The following NPTN variants were observed in gnomAD, a reference collection of about 807,000 sequenced individuals.
The protein encoded by NPTN is neuroplastin.
Under a neutral mutation model 42.7 loss-of-function variants are expected in NPTN, and 5 were observed. The observed-to-expected ratio is 0.12, with a 90% CI of 0.06 to 0.25. NPTN has a LOEUF of 0.25. Ranked by LOEUF, NPTN falls within the 10% of genes least tolerant of loss-of-function variation. The pLI is 1.00. For missense variants in NPTN, 307 were observed against 525.4 expected (o/e 0.58, Z 4.06); for synonymous variants, 180 against 201.9 (o/e 0.89, Z 0.92).
chr15:73,617,608 T>C (rs1897923315), intron 1 of NPTN, among the ~76,000 whole-genome samples: 1 of 152,214 alleles, frequency 6.6e-6, no homozygotes, highest in South Asian at 2.1e-4. Context: ...TTTCCAGTGG[T>C]ATATTTTGAG....
intron 6 of NPTN, among the ~76,000 whole-genome samples, chr15:73,565,031 T>C (rs1438879211): frequency 6.6e-6 from 1 of 152,226 alleles, no homozygotes; most frequent in Non-Finnish European, 1.5e-5. Context: ...AGTGTGGGTA[T>C]TCCCTGGTGT....
At chr15:73,629,482 T>C (rs1340165521) in intron 1 of NPTN, among the ~76,000 whole-genome samples, 2 of 151,560 alleles carry the variant, frequency 1.3e-5, no homozygotes, top group Non-Finnish European at 2.9e-5. Flanking sequence ...CAAACAGCCC[T>C]TGACAGAAAA....
intron 6 of NPTN, chr15:73,568,710 G>A (rs923502463): frequency 1.0e-6 from 1 of 985,404 alleles, no homozygotes; most frequent in African/African-American, 1.7e-5. Flanking sequence ...AGATTCATTT[G>A]CAGAGGCCGT....
rs558229653 is a variant in NPTN at position 73,581,838 on chromosome 15, T to G, written c.706+5686A>C. Among the ~76,000 whole-genome samples, 291 of 150,760 alleles carry G rather than the reference T, an allele frequency of 1.9e-3. 1 individual carries two copies. Among genetic ancestry groups the G allele is most frequent in the Middle Eastern group, 0.014 (4 of 292 alleles). ...ACAGACACTGCTTATATGGTGCTCT[T>G]TTTTTTTTTCTTTTTAGACAGAGTT... On this transcript the variant is annotated intron_variant, in intron 4 of 8. Coordinates refer to ENST00000345330, the MANE Select transcript of NPTN (RefSeq NM_012428.4).
intron 2 of NPTN, 52 bp downstream of exon 2, chr15:73,596,970 T>C (rs1288273449): frequency 6.2e-6 from 9 of 1,450,524 alleles, no homozygotes; most frequent in Middle Eastern, 1.8e-4. Flanking sequence ...GGAAGGGTCA[T>C]TGGGCCACCT....
chr15:73,575,229 C>T (rs1231946399), intron 4 of NPTN, among the ~76,000 whole-genome samples: 2 of 152,128 alleles, frequency 1.3e-5, no homozygotes, highest in African/African-American at 4.8e-5. Context: ...GTGTTCTGCC[C>T]GCGTTGGCCT....
intron 4 of NPTN, among the ~76,000 whole-genome samples, chr15:73,577,201 A>T (rs571673185): frequency 2.9e-4 from 44 of 152,318 alleles, no homozygotes; most frequent in African/African-American, 9.4e-4. Context: ...CAAGCCTTGG[A>T]ATCCTAGCCA....
At chr15:73,595,569 T>C (rs1896796541) in intron 2 of NPTN, among the ~76,000 whole-genome samples, 1 of 152,222 alleles carries the variant, frequency 6.6e-6, no homozygotes, top group Admixed American at 6.5e-5. Flanking sequence ...TCAAGGCCCA[T>C]GTCTTACTAC....
At chr15:73,580,472 T>C (rs1895958348) in intron 4 of NPTN, among the ~76,000 whole-genome samples, 1 of 131,478 alleles carries the variant, frequency 7.6e-6, no homozygotes, top group Non-Finnish European at 1.5e-5. Context: ...AATATATTTA[T>C]ATATACATAA....
intron 4 of NPTN, among the ~76,000 whole-genome samples, chr15:73,576,288 A>G (rs1295707739): frequency 6.6e-6 from 1 of 152,236 alleles, no homozygotes; most frequent in Non-Finnish European, 1.5e-5. Context: ...GAAGAAAATA[A>G]GGGAGTATAT....
chr15:73,575,980 T>C (rs1895673243), intron 4 of NPTN, among the ~76,000 whole-genome samples: 1 of 152,240 alleles, frequency 6.6e-6, no homozygotes, highest in Non-Finnish European at 1.5e-5. Context: ...TCAACCTGGC[T>C]CTATCTCATT....
intron 1 of NPTN, among the ~76,000 whole-genome samples, chr15:73,624,195 C>T (rs1293697440): frequency 6.6e-6 from 1 of 152,162 alleles, no homozygotes. Flanking sequence ...TAGTAGAAAA[C>T]AGTAATGCTG....
chr15:73,590,458 G>T (rs1746793922), intron 3 of NPTN, among the ~76,000 whole-genome samples: 1 of 152,046 alleles, frequency 6.6e-6, no homozygotes, highest in Non-Finnish European at 1.5e-5. Context: ...CTTAAAGGAG[G>T]TATCATAAAA....
intron 6 of NPTN, chr15:73,567,433 A>C: frequency 1.0e-6 from 1 of 985,444 alleles, no homozygotes; most frequent in Non-Finnish European, 1.2e-6. Flanking sequence ...TTTGTGTCAA[A>C]TATAATGTAC....
intron 2 of NPTN, among the ~76,000 whole-genome samples, chr15:73,594,050 C>T (rs918262829): frequency 6.6e-6 from 1 of 151,938 alleles, no homozygotes; most frequent in African/African-American, 2.4e-5. Context: ...CAAGCAAAAA[C>T]AAAAGAGAAA....
chr15:73,581,496 G>T (rs1387095538), intron 4 of NPTN, among the ~76,000 whole-genome samples: 1 of 152,166 alleles, frequency 6.6e-6, no homozygotes, highest in Admixed American at 6.5e-5. Context: ...ACATATTCTA[G>T]TCACACTGGT....
chr15:73,624,464 G>C (rs1251042236), intron 1 of NPTN, among the ~76,000 whole-genome samples: 1 of 152,140 alleles, frequency 6.6e-6, no homozygotes. Flanking sequence ...TCCCAAACCT[G>C]CTAAACTCGT....
intron 1 of NPTN, among the ~76,000 whole-genome samples, chr15:73,598,287 G>A (rs1307193897): frequency 2.0e-5 from 3 of 152,098 alleles, no homozygotes; most frequent in Non-Finnish European, 4.4e-5. Flanking sequence ...CTGGCTTCTA[G>A]AAGCCAGCTC....
intron 4 of NPTN, among the ~76,000 whole-genome samples, chr15:73,582,492 T>C (rs867650115): frequency 6.6e-6 from 1 of 152,148 alleles, no homozygotes; most frequent in Non-Finnish European, 1.5e-5. Flanking sequence ...TTGTGAACAC[T>C]AGAGCAGTCT....
Sources: allele counts gnomAD v4.1 joint callset (sites outside exome capture counted in the v4.1 genomes callset), GRCh38; gene constraint gnomAD v4.1.1; transcripts MANE v1.5; gene names NCBI Gene and HGNC (gene_info 2026-07-23, HGNC 2026-07-21).